Variants in ZNF638 observed in about 807,000 individuals in gnomAD.
ZNF638 encodes CTCL tumor antigen se33-1.
In ZNF638, 46 loss-of-function variants were observed where a neutral mutation model predicts 195.6. That is an observed-to-expected ratio of 0.24 (90% CI 0.19 to 0.30). The LOEUF is 0.30. ZNF638 is among the 10% of genes least tolerant of loss of function. The probability of loss-of-function intolerance (pLI) is 1.00; values close to 1 mark genes in which losing one functional copy is unlikely to be tolerated. For synonymous variants in ZNF638, 845 were observed against 772.0 expected (o/e 1.09, Z -1.57); for missense variants, 2,440 against 2,325.3 (o/e 1.05, Z -1.01).
At chr2:71,405,276 C>T (rs2080084399) in intron 17 of ZNF638, among the ~76,000 whole-genome samples, 1 of 152,130 alleles carries the variant, frequency 6.6e-6, no homozygotes, top group South Asian at 2.1e-4. Context: ...GTTAACTTTT[C>T]TTTTGTAATT....
intron 25 of ZNF638, among the ~76,000 whole-genome samples, chr2:71,429,635 G>A (rs2080615700): frequency 6.6e-6 from 1 of 152,068 alleles, no homozygotes; most frequent in Non-Finnish European, 1.5e-5. Context: ...AGAGCAAAAC[G>A]TCTAGAAAGA....
chr2:71,418,507 TTTGAGCTTAAA>T, intron 20 of ZNF638, 84 bp from the exon 21 acceptor site: 1 of 877,872 alleles, frequency 1.1e-6, no homozygotes. Flanking sequence ...GGTTTTTTTT[TTTGAGCTTAAA>T]TTTTTACTAA....
chr2:71,431,628 CG>C (rs2080664272), intron 26 of ZNF638, among the ~76,000 whole-genome samples, 200 bp downstream of exon 26: 1 of 151,988 alleles, frequency 6.6e-6, no homozygotes, highest in Non-Finnish European at 1.5e-5. Flanking sequence ...GACGTGGTGG[CG>C]GGCGCCTGTA....
intron 10 of ZNF638, chr2:71,393,561 G>A (rs1337227519): frequency 1.4e-6 from 1 of 717,974 alleles, no homozygotes. Flanking sequence ...TGCTGAAGAA[G>A]ACAACTTACA....
chr2:71,427,747 T>TA (rs1489552915), intron 24 of ZNF638, among the ~76,000 whole-genome samples: 2 of 152,216 alleles, frequency 1.3e-5, no homozygotes, highest in Non-Finnish European at 2.9e-5. Context: ...GAAGAACATT[T>TA]ACATCAGATT....
At chr2:71,348,174 CTG>C (rs1243219807) in intron 1 of ZNF638, among the ~76,000 whole-genome samples, 1 of 152,168 alleles carries the variant, frequency 6.6e-6, no homozygotes, top group African/African-American at 2.4e-5. Context: ...TTCTTAGACT[CTG>C]TAGTCAGGTT....
chr2:71,369,271 A>G (rs1016901509), intron 7 of ZNF638, among the ~76,000 whole-genome samples: 3 of 149,512 alleles, frequency 2.0e-5, no homozygotes, highest in Admixed American at 6.7e-5. Context: ...TGCAGTGACT[A>G]GAGATGGCGC....
intron 2 of ZNF638, among the ~76,000 whole-genome samples, chr2:71,354,343 C>CTTTTTTTTTTTTTTTTTT: frequency 7.0e-6 from 1 of 143,658 alleles, no homozygotes; most frequent in Non-Finnish European, 1.5e-5. Flanking sequence ...ACTGTATTGG[C>CTTTTTTTTTTTTTTTTTT]TTTTTTTTTT....
intron 3 of ZNF638, among the ~76,000 whole-genome samples, chr2:71,357,673 A>AT (rs35423242): frequency 6.6e-6 from 1 of 152,030 alleles, no homozygotes; most frequent in Non-Finnish European, 1.5e-5. Context: ...TAAGCCTATT[A>AT]TTTTTTTCAT....
chr2:71,400,369 G>T, intron 14 of ZNF638, 109 bp from the exon 15 acceptor site: 1 of 1,156,172 alleles, frequency 8.6e-7, no homozygotes, highest in South Asian at 1.5e-5. Context: ...TAATTCTCTA[G>T]ACTTGTTGTA....
rs752470985 is a variant in ZNF638 at position 71,426,761 on chromosome 2, A to G, written c.4892A>G (p.Asn1631Ser). The G allele has an allele frequency of 1.2e-6, 2 of 1,613,482 alleles. No homozygotes were observed. Among genetic ancestry groups the G allele is most frequent in the African/African-American group, 1.3e-5 (1 of 74,894 alleles). Reference sequence around the variant, plus strand: ...GAAGTAATTGATGAAGAAGAACTAAATATGGAAGAAATGGTAAAAAATTCA... The same window carrying G: ...GAAGTAATTGATGAAGAAGAACTAAGTATGGAAGAAATGGTAAAAAATTCA... ...VDEVIDEEEL[N>S]MEEMVKNSNS... Residue 1631 changes from asparagine (N) to serine (S), a missense_variant, in exon 24 of 28, where the codon AAT becomes AGT. By Grantham distance (46) the Asn-to-Ser change is conservative. Around this residue, in one of 5 missense-constraint regions of ZNF638, gnomAD observed 1,883 missense variants for 1,739.1 expected, o/e 1.08. Coordinates refer to ENST00000264447, the MANE Select transcript of ZNF638 (RefSeq NM_014497.5).
In ZNF638 at chr2:71,365,499, T is replaced by C; in HGVS notation, c.1788T>C (p.His596=). 6.2e-7 allele frequency: 1 copy of C among 1,613,952 alleles called. No homozygotes were observed. Among genetic ancestry groups the C allele is most frequent in the Non-Finnish European group, 8.5e-7 (1 of 1,179,928 alleles). Reference sequence around the variant, plus strand: ...GGACAGAATTTAATAAACAGAAGCATCTTGAAGCTGCTGATAAGGGACATT... The same window carrying C: ...GGACAGAATTTAATAAACAGAAGCACCTTGAAGCTGCTGATAAGGGACATT... ...GHGTEFNKQK[H]LEAADKGHSP... Residue 596 remains histidine (H), a synonymous_variant, in exon 6 of 28, where the codon CAT becomes CAC. Coordinates refer to ENST00000264447, the MANE Select transcript of ZNF638 (RefSeq NM_014497.5).
At chr2:71,377,742 A>G (rs1023977820) in intron 8 of ZNF638, among the ~76,000 whole-genome samples, 1 of 152,240 alleles carries the variant, frequency 6.6e-6, no homozygotes, top group Non-Finnish European at 1.5e-5. Context: ...TTTAGAAGAC[A>G]CAATCTGTAC....
intron 1 of ZNF638, among the ~76,000 whole-genome samples, chr2:71,340,834 A>G (rs7589244): frequency 0.15 from 22,177 of 152,190 alleles, 1,793 homozygotes; most frequent in African/African-American, 0.19. Flanking sequence ...GTTTTACTTA[A>G]TGTGTGAACT....
Position 71,348,947 on chromosome 2 carries a change from A to G in ZNF638, c.-8A>G, listed in dbSNP as rs2078898386. 1.9e-6 allele frequency: 3 copies of G among 1,614,170 alleles called. No individual in the cohort carries two copies. The highest frequency in any genetic ancestry group is 2.5e-6 in the Non-Finnish European group (3 of 1,180,018). On this transcript the variant is annotated 5_prime_UTR_variant, in exon 2 of 28. Coordinates refer to ENST00000264447, the MANE Select transcript of ZNF638 (RefSeq NM_014497.5). ...ACTTTATTAAATCAGGCTTTCTTGAAAATAGCCATGTCGAGACCCAGGTTT... is the reference window on the plus strand; with the variant it reads ...ACTTTATTAAATCAGGCTTTCTTGAGAATAGCCATGTCGAGACCCAGGTTT...
At chr2:71,383,094 G>A (rs1356615952) in intron 10 of ZNF638, among the ~76,000 whole-genome samples, 2 of 152,152 alleles carry the variant, frequency 1.3e-5, no homozygotes, top group African/African-American at 2.4e-5. Context: ...AGTTTGAGGC[G>A]GGTGCATCAC....
rs1414359109 is a variant in ZNF638, at chr2:71,364,164, T to C, written c.1629T>C (p.Tyr543=). ...CCAGATCCAGATCCCGTTCACCATATCGAATTAGAAATCCATTTAGAGGTA... is the reference window on the plus strand; with the variant it reads ...CCAGATCCAGATCCCGTTCACCATACCGAATTAGAAATCCATTTAGAGGTA... ...YRSRSRSRSP[Y]RIRNPFRGSP... Residue 543 remains tyrosine, a synonymous_variant, in exon 5 of 28, where the codon TAT becomes TAC. Transcript: ENST00000264447. 6.2e-7 allele frequency: 1 copy of C among 1,614,134 alleles called. No homozygotes were observed. Among genetic ancestry groups the C allele is most frequent in the Admixed American group, 1.7e-5 (1 of 60,020 alleles).
At chr2:71,394,045 T>A (rs1260845950) in intron 10 of ZNF638, among the ~76,000 whole-genome samples, 1 of 152,138 alleles carries the variant, frequency 6.6e-6, no homozygotes, top group Admixed American at 6.5e-5. Flanking sequence ...TTCCCTGTGC[T>A]AAAGAACAAA....
chr2:71,357,562 A>T (rs951088040), intron 3 of ZNF638, among the ~76,000 whole-genome samples: 4 of 152,186 alleles, frequency 2.6e-5, no homozygotes, highest in Non-Finnish European at 5.9e-5. Flanking sequence ...GGGGTGAGTT[A>T]CTTATTTTAG....
Sources: gnomAD v4.1 joint callset for allele counts (sites outside exome capture counted in the v4.1 genomes callset) on GRCh38, gnomAD v4.1.1 for gene constraint, gnomAD v4.1.1 regional missense constraint, MANE v1.5 for transcripts, NCBI Gene and HGNC (gene_info 2026-07-23, HGNC 2026-07-21) for gene names.